Variants in RBFOX1 observed in about 807,000 individuals in gnomAD.
The protein encoded by RBFOX1 is RNA binding fox-1 homolog 1, also known as RNA binding protein fox-1 homolog 1.
In RBFOX1, 8 loss-of-function variants were observed where a neutral mutation model predicts 57.7. That is an observed-to-expected ratio of 0.14 (90% confidence interval 0.08 to 0.25). The LOEUF (loss-of-function observed/expected upper bound fraction) is 0.25. Among genes scored for constraint, RBFOX1 ranks in the 10% least tolerant of loss-of-function variants. The pLI, the probability that RBFOX1 is intolerant of heterozygous loss-of-function variation, is 1.00. For missense variants in RBFOX1, 611 were observed against 548.5 expected (o/e 1.11, Z -1.14); for synonymous variants, 326 against 222.4 (o/e 1.47, Z -4.15).
chr16:5,920,038 A>C (rs2058787572), intron 4 of RBFOX1, among the ~76,000 whole-genome samples: 1 of 152,170 alleles, frequency 6.6e-6, no homozygotes, highest in Admixed American at 6.5e-5. Flanking sequence ...GCTTCACGTC[A>C]TTCTCCTGCC....
intron 3 of RBFOX1, among the ~76,000 whole-genome samples, chr16:5,651,697 A>G (rs888453787): frequency 1.8e-4 from 28 of 152,274 alleles, no homozygotes; most frequent in African/African-American, 6.5e-4. Context: ...CTGATTCCGC[A>G]TGGATACCCA....
Position 6,863,421 on chromosome 16 carries a change from G to A in RBFOX1, c.-15-188636G>A, listed in dbSNP as rs117463595. 8.5e-5 allele frequency among the ~76,000 whole-genome samples: 13 copies of A among 152,066 alleles called. 1 individual carries two copies. The highest frequency in any genetic ancestry group is 1.9e-4 in the East Asian group (1 of 5,160). On this transcript the variant is annotated intron_variant, in intron 3 of 15. Coordinates refer to ENST00000550418, the MANE Select transcript of RBFOX1 (RefSeq NM_018723.4). The stretch of plus-strand genomic sequence containing the variant: ...AGCTCCTTACTAAAATTTAGAAAAG[G>A]CCCATAATGGAAGGAACTAAGCAAG...
chr16:7,449,722 G>A (rs969776050), intron 4 of RBFOX1, among the ~76,000 whole-genome samples: 1 of 96,596 alleles, frequency 1.0e-5, no homozygotes, highest in Non-Finnish European at 2.1e-5. Context: ...GTATGTGTGT[G>A]TGTGTGTGGG....
intron 3 of RBFOX1, among the ~76,000 whole-genome samples, chr16:6,659,182 G>T (rs951576864): frequency 6.6e-6 from 1 of 152,056 alleles, no homozygotes; most frequent in Non-Finnish European, 1.5e-5. Context: ...CAGGTGATGA[G>T]AGGAGAGGCT....
intron 3 of RBFOX1, among the ~76,000 whole-genome samples, chr16:5,692,234 G>C (rs568375757): frequency 5.5e-4 from 83 of 151,262 alleles, no homozygotes; most frequent in African/African-American, 1.9e-3. Context: ...ACTGCTAGCA[G>C]ATGCACAGAA....
chr16:6,438,407 T>A (rs1226919864), intron 2 of RBFOX1, among the ~76,000 whole-genome samples: 1 of 152,142 alleles, frequency 6.6e-6, no homozygotes, highest in Non-Finnish European at 1.5e-5. Flanking sequence ...ACCCAAATAG[T>A]CTGATCTCCA....
chr16:7,088,143 G>C (rs1256699900), intron 4 of RBFOX1, among the ~76,000 whole-genome samples: 1 of 152,156 alleles, frequency 6.6e-6, no homozygotes, highest in Non-Finnish European at 1.5e-5. Flanking sequence ...TATGTGTATG[G>C]GGTTTGGGGG....
chr16:7,534,503 G>C (rs1388259634), intron 5 of RBFOX1, among the ~76,000 whole-genome samples: 2 of 151,994 alleles, frequency 1.3e-5, no homozygotes, highest in African/African-American at 2.4e-5. Flanking sequence ...GTAAGCCCCA[G>C]GATAACTTCC....
At chr16:7,018,896 A>G (rs2094057087) in intron 3 of RBFOX1, among the ~76,000 whole-genome samples, 1 of 152,156 alleles carries the variant, frequency 6.6e-6, no homozygotes, top group Non-Finnish European at 1.5e-5. Flanking sequence ...AAGTGGGAGG[A>G]TCTCTTGAGC....
intron 2 of RBFOX1, among the ~76,000 whole-genome samples, chr16:5,538,212 G>A (rs920216150): frequency 6.6e-6 from 1 of 152,192 alleles, no homozygotes; most frequent in African/African-American, 2.4e-5. Flanking sequence ...GAAGTTGTCA[G>A]ATCAATATGG....
intron 1 of RBFOX1, among the ~76,000 whole-genome samples, chr16:6,242,262 G>T (rs999508097): frequency 1.3e-5 from 2 of 152,224 alleles, no homozygotes; most frequent in African/African-American, 4.8e-5. Context: ...TATTCAAACA[G>T]GATCATATCC....
chr16:5,286,620 C>G (rs559453306), intron 1 of RBFOX1, among the ~76,000 whole-genome samples: 1 of 152,198 alleles, frequency 6.6e-6, no homozygotes, highest in African/African-American at 2.4e-5. Flanking sequence ...AGAATGGAAT[C>G]ACAGACTTGT....
intron 1 of RBFOX1, among the ~76,000 whole-genome samples, chr16:5,305,638 A>G (rs1046370145): frequency 6.6e-6 from 1 of 152,192 alleles, no homozygotes; most frequent in Admixed American, 6.5e-5. Flanking sequence ...TGAAAAATAA[A>G]GTCTGCTGAA....
chr16:6,525,577 C>G (rs947907208), intron 2 of RBFOX1, among the ~76,000 whole-genome samples: 1 of 152,010 alleles, frequency 6.6e-6, no homozygotes, highest in Non-Finnish European at 1.5e-5. Flanking sequence ...TTTCATTGTT[C>G]TGGAGACTGG....
chr16:5,922,165 A>T (rs1232439819), intron 4 of RBFOX1, among the ~76,000 whole-genome samples: 1 of 152,068 alleles, frequency 6.6e-6, no homozygotes, highest in Non-Finnish European at 1.5e-5. Flanking sequence ...TGTCTCGACA[A>T]AGAAACAAAC....
chr16:7,369,339 A>G lies in RBFOX1; in HGVS notation c.28-148808A>G, dbSNP rs545974481. Among the ~76,000 whole-genome samples the G allele has an allele frequency of 9.2e-5, 14 of 152,196 alleles. No individual in the cohort carries two copies. In the South Asian group the frequency reaches 2.5e-3, roughly 27 times the overall value. ...CATGCTTCATCCAGCTTTTCTGCAA[A>G]GTGGAGGCCCTAGCAAGAAGCAAAG... On this transcript the variant is annotated intron_variant, in intron 4 of 15. Coordinates refer to ENST00000550418, the MANE Select transcript of RBFOX1 (RefSeq NM_018723.4).
intron 4 of RBFOX1, among the ~76,000 whole-genome samples, chr16:5,916,441 A>T (rs1471930486): frequency 2.0e-5 from 3 of 152,062 alleles, no homozygotes; most frequent in African/African-American, 7.2e-5. Flanking sequence ...TCTCAGAGAA[A>T]AGTCTTAGGG....
intron 2 of RBFOX1, among the ~76,000 whole-genome samples, chr16:6,556,690 T>G (rs74005285): frequency 0.073 from 11,110 of 152,184 alleles, 937 homozygotes; most frequent in African/African-American, 0.21. Flanking sequence ...TCACATGATA[T>G]AGAGAATTAA....
chr16:7,708,257 G>A (rs986576), intron 14 of RBFOX1, among the ~76,000 whole-genome samples: 138,783 of 150,260 alleles, frequency 0.92, 63,807 homozygotes, highest in South Asian at 0.99. Context: ...AAAAAAAAAA[G>A]TTAACTTCCA....
Sources: gnomAD v4.1 joint callset for allele counts (sites outside exome capture counted in the v4.1 genomes callset) on GRCh38, gnomAD v4.1.1 for gene constraint, MANE v1.5 for transcripts, NCBI Gene and HGNC (gene_info 2026-07-23, HGNC 2026-07-21) for gene names.